The following MSS51 variants were observed in gnomAD, a reference collection of about 807,000 sequenced individuals.
The protein encoded by MSS51 is MSS51 mitochondrial translational activator.
A neutral mutation model predicts 40.2 loss-of-function variants in MSS51; 32 were observed. The ratio of observed to expected loss-of-function variants is 0.80; its 90% CI spans 0.60 to 1.07. The LOEUF (loss-of-function observed/expected upper bound fraction) is 1.07, where lower values mean the gene tolerates loss of function less well. Among genes scored for constraint, MSS51 ranks in the 50% least tolerant of loss-of-function variants. MSS51 has a pLI of 0.00. For synonymous variants in MSS51, 178 were observed against 214.2 expected (o/e 0.83, Z 1.48); for missense variants, 518 against 568.9 (o/e 0.91, Z 0.91).
chr10:73,430,708 C>T (rs898804557), intron 1 of MSS51, among the ~76,000 whole-genome samples: 4 of 151,920 alleles, frequency 2.6e-5, no homozygotes, highest in South Asian at 2.1e-4. Flanking sequence ...GAAAACAGTA[C>T]GGCAGTTCCC....
intron 2 of MSS51, 82 bp downstream of exon 2, chr10:73,427,982 C>T (rs1469099964): frequency 2.2e-6 from 3 of 1,361,654 alleles, no homozygotes; most frequent in African/African-American, 2.9e-5. Context: ...CCATATTCAC[C>T]AAACTGTACT....
In MSS51 at chr10:73,424,465, A is replaced by G; in HGVS notation, c.*88T>C. 1.0e-6 allele frequency: 1 copy of G among 993,896 alleles called. No homozygotes were observed. Among genetic ancestry groups the G allele is most frequent in the South Asian group, 1.4e-5 (1 of 73,472 alleles). The allele number at this position is 993,896 out of a possible 1,614,324, so 61.6% of individuals were successfully genotyped here. A position where few individuals can be genotyped will look rare whatever the true frequency, so the allele number is the denominator to read the frequency against. ...AACAGTAAATGAGGTTTAGAATATAATGTTTTTCAAAGTTTGCAAGAACCT... is the reference window on the plus strand; with the variant it reads ...AACAGTAAATGAGGTTTAGAATATAGTGTTTTTCAAAGTTTGCAAGAACCT... On this transcript the variant is annotated 3_prime_UTR_variant, in exon 7 of 7. Transcript: ENST00000299432.
At position 73,425,943 on chromosome 10, in the gene MSS51, T is replaced by G; in HGVS notation, c.937A>C (p.Thr313Pro). ...VDVATGFSQS[T>P]STSPLEPGTI... is the part of the protein sequence containing the mutation. Reference sequence around the variant, plus strand: ...CCAGGTTCCAGGGGTGAAGTTGAGGTGCTCTGTGAAAAGCCAGTAGCTACA... The same window carrying G: ...CCAGGTTCCAGGGGTGAAGTTGAGGGGCTCTGTGAAAAGCCAGTAGCTACA... Residue 313 changes from threonine to proline, a missense_variant, in exon 5 of 7, where the codon ACC becomes CCC. Coordinates refer to ENST00000299432, the MANE Select transcript of MSS51 (RefSeq NM_001024593.2). 2 of 1,614,130 alleles carry G rather than the reference T, an allele frequency of 1.2e-6. No homozygotes were observed. The highest frequency in any genetic ancestry group is 1.7e-6 in the Non-Finnish European group (2 of 1,180,024).
intron 1 of MSS51, among the ~76,000 whole-genome samples, chr10:73,430,802 A>G (rs982483268): frequency 1.3e-5 from 2 of 152,180 alleles, no homozygotes; most frequent in Non-Finnish European, 2.9e-5. Flanking sequence ...AGATACTCAA[A>G]CAAATACTTA....
rs989346977 is a variant in MSS51, at chr10:73,425,572, G to A, written c.1069+239C>T. On this transcript the variant is annotated intron_variant, in intron 5 of 6. Coordinates refer to ENST00000299432, the MANE Select transcript of MSS51 (RefSeq NM_001024593.2). ...AGCTACTCGGGAGGCTGAGGCAGGA[G>A]AATGGCGTGAACCCGGGAGGTGGAG... is the stretch of plus-strand genomic sequence containing the variant. Among the ~76,000 whole-genome samples, 25 of 150,850 alleles carry A rather than the reference G, an allele frequency of 1.7e-4. 1 individual carries two copies. In the East Asian group the frequency reaches 3.9e-3, roughly 24 times the overall value.
intron 1 of MSS51, among the ~76,000 whole-genome samples, chr10:73,432,005 C>T (rs138303538): frequency 1.4e-4 from 21 of 152,156 alleles, no homozygotes; most frequent in Admixed American, 5.2e-4. Flanking sequence ...CATTTATCTA[C>T]TCTACCCACC....
At chr10:73,431,826 T>C (rs541777992) in intron 1 of MSS51, among the ~76,000 whole-genome samples, 1 of 152,274 alleles carries the variant, frequency 6.6e-6, no homozygotes, top group Non-Finnish European at 1.5e-5. Context: ...CCTAATGATA[T>C]TAGATTATCT....
At chr10:73,428,023 C>A (rs1468092303) in intron 2 of MSS51, 41 bp downstream of exon 2, 1 of 1,578,074 alleles carries the variant, frequency 6.3e-7, no homozygotes, top group African/African-American at 1.3e-5. Context: ...TTACTTCTAC[C>A]AGAGACAATA....
At chr10:73,426,558 C>G (rs371209539) in intron 4 of MSS51, 49 bp downstream of exon 4, 124 of 1,609,774 alleles carry the variant, frequency 7.7e-5, no homozygotes, top group Non-Finnish European at 1.0e-4. Context: ...CCTTTAAATG[C>G]AATCAACTAT....
chr10:73,429,775 G>C, intron 1 of MSS51: 1 of 442,706 alleles, frequency 2.3e-6, no homozygotes. Context: ...GAAATCATTT[G>C]CGAAACACTA....
rs79060541 is a variant in MSS51, at chr10:73,431,722, A to C, written c.-18+1791T>G. 7.7e-3 allele frequency among the ~76,000 whole-genome samples: 1,175 copies of C among 152,220 alleles called. 14 individuals are homozygous for C. Among genetic ancestry groups the C allele is most frequent in the African/African-American group, 0.027 (1,110 of 41,552 alleles). On this transcript the variant is annotated intron_variant, in intron 1 of 6. Coordinates refer to ENST00000299432, the MANE Select transcript of MSS51 (RefSeq NM_001024593.2). Reference sequence around the variant, plus strand: ...CCCTCTTAATGTCTCCCCTTATCCCATGGGTGAATGGATGGTTTCAGTCCA... The same window carrying C: ...CCCTCTTAATGTCTCCCCTTATCCCCTGGGTGAATGGATGGTTTCAGTCCA...
At chr10:73,425,781 C>T in intron 5 of MSS51, 30 bp downstream of exon 5, 1 of 1,565,078 alleles carries the variant, frequency 6.4e-7, no homozygotes, top group Non-Finnish European at 8.7e-7. Flanking sequence ...GGGGAGCCAC[C>T]CTCTATTCCC....
chr10:73,430,892 A>G (rs1407076354), intron 1 of MSS51, among the ~76,000 whole-genome samples: 1 of 152,234 alleles, frequency 6.6e-6, no homozygotes, highest in East Asian at 1.9e-4. Flanking sequence ...GGATAAATGG[A>G]TAAACAAATT....
intron 1 of MSS51, among the ~76,000 whole-genome samples, chr10:73,432,326 G>A (rs529609235): frequency 1.5e-3 from 221 of 152,084 alleles, no homozygotes; most frequent in Non-Finnish European, 2.8e-3. Flanking sequence ...CATGAGCCAC[G>A]GCGCCCGGCC....
Position 73,424,950 on chromosome 10 carries a change from G to A in MSS51, c.1163+148C>T, listed in dbSNP as rs568447958. ...TTAAATATTCCATTAACTAGCAAAG[G>A]ACTGTTCCAAGGGGATAAAAAAGCC... On this transcript the variant is annotated intron_variant, in intron 6 of 6. Transcript: ENST00000299432. The A allele has an allele frequency of 2.7e-4, 217 of 801,980 alleles. 4 individuals carry two copies. In the South Asian group the frequency reaches 3.4e-3, roughly 13 times the overall value. 49.7% of individuals were successfully genotyped at this position (801,980 alleles called of 1,614,324 possible).
intron 3 of MSS51, among the ~76,000 whole-genome samples, chr10:73,427,370 TG>T (rs1278374909): frequency 2.0e-5 from 3 of 147,644 alleles, no homozygotes; most frequent in African/African-American, 7.6e-5. Context: ...CTCTGCCTCC[TG>T]GGTTCAAGCA....
chr10:73,426,875 G>A, intron 3 of MSS51, 144 bp from the exon 4 acceptor site: 1 of 880,798 alleles, frequency 1.1e-6, no homozygotes, highest in Non-Finnish European at 1.7e-6. Context: ...CCAATTTTGG[G>A]GACTACATTT....
intron 1 of MSS51, 67 bp from the exon 2 acceptor site, chr10:73,428,368 C>T: frequency 8.2e-7 from 1 of 1,224,224 alleles, no homozygotes; most frequent in Non-Finnish European, 1.1e-6. Context: ...GAAGTATTTT[C>T]ATATGCTTGA....
In MSS51 at chr10:73,426,741, TGA is replaced by T. The variant is rs2055992416; in HGVS notation, c.378-12_378-11del. On this transcript the variant is annotated splice_polypyrimidine_tract_variant and intron_variant, in intron 3 of 6. Transcript: ENST00000299432. ...ATAGACATTTCTGCACCTGAGAGAA[TGA>T]GAGAGAAATAGTTCTTATACTATAA... 2 of 1,613,458 alleles carry T rather than the reference TGA, an allele frequency of 1.2e-6. No individual in the cohort carries two copies. Among genetic ancestry groups the T allele is most frequent in the African/African-American group, 1.3e-5 (1 of 74,830 alleles).
Sources: allele counts gnomAD v4.1 joint callset (sites outside exome capture counted in the v4.1 genomes callset), GRCh38; gene constraint gnomAD v4.1.1; transcripts MANE v1.5; gene names NCBI Gene and HGNC (gene_info 2026-07-23, HGNC 2026-07-21).